Variants in SPATA13 observed in about 807,000 individuals in gnomAD.
SPATA13 encodes spermatogenesis associated 13, also known as spermatogenesis-associated protein 13.
SPATA13 carries 50 observed loss-of-function variants against 104.0 expected under a neutral mutation model. The ratio of observed to expected loss-of-function variants is 0.48; its 90% CI spans 0.38 to 0.61. SPATA13 has a LOEUF of 0.61. Ranked by LOEUF, SPATA13 falls within the 20% of genes least tolerant of loss-of-function variation. The pLI is 0.00. For synonymous variants in SPATA13, 606 were observed against 667.5 expected (o/e 0.91, Z 1.42); for missense variants, 1,524 against 1,690.6 (o/e 0.90, Z 1.73).
intron 3 of SPATA13, among the ~76,000 whole-genome samples, chr13:24,074,679 T>C (rs564583526): frequency 1.3e-5 from 2 of 152,246 alleles, no homozygotes; most frequent in African/African-American, 4.8e-5. Flanking sequence ...CTTGCTCAAA[T>C]AACTGAATCC....
chr13:24,126,204 G>A (rs1881210162), intron 3 of SPATA13, among the ~76,000 whole-genome samples: 1 of 152,218 alleles, frequency 6.6e-6, no homozygotes, highest in Non-Finnish European at 1.5e-5. Flanking sequence ...ATGAAGTCAT[G>A]GGGGCAGGAG....
chr13:24,237,925 AC>A (rs1165268746), intron 2 of SPATA13, among the ~76,000 whole-genome samples: 1 of 148,412 alleles, frequency 6.7e-6, no homozygotes, highest in African/African-American at 2.4e-5. Flanking sequence ...CAATATATAA[AC>A]ATACATGTTT....
intron 7 of SPATA13, among the ~76,000 whole-genome samples, chr13:24,288,328 A>G (rs557950562): frequency 3.9e-5 from 6 of 152,304 alleles, no homozygotes; most frequent in Non-Finnish European, 8.8e-5. Flanking sequence ...AATTCATACC[A>G]AGTAGTCATT....
At chr13:24,001,120 C>T (rs965268384) in intron 2 of SPATA13, among the ~76,000 whole-genome samples, 2 of 152,144 alleles carry the variant, frequency 1.3e-5, no homozygotes, top group African/African-American at 2.4e-5. Context: ...CGAGTGGCCT[C>T]TTCTACTCTC....
At chr13:24,039,743 G>A (rs1023713764) in intron 3 of SPATA13, among the ~76,000 whole-genome samples, 25 of 152,130 alleles carry the variant, frequency 1.6e-4, no homozygotes, top group African/African-American at 6.0e-4. Context: ...ATGTGACTGG[G>A]GTTGGGGGAA....
At chr13:24,065,107 T>TAAC (rs1236567072) in intron 3 of SPATA13, among the ~76,000 whole-genome samples, 2 of 152,198 alleles carry the variant, frequency 1.3e-5, no homozygotes, top group Non-Finnish European at 2.9e-5. Context: ...TAAATCTTTA[T>TAAC]AACTTACGGT....
chr13:24,290,985 T>G (rs982886821), intron 9 of SPATA13, 101 bp downstream of exon 9: 35 of 926,732 alleles, frequency 3.8e-5, no homozygotes, highest in Non-Finnish European at 5.7e-5. Flanking sequence ...AGTGTCAGCC[T>G]TAACACTTTG....
At chr13:24,300,522 T>G in intron 12 of SPATA13, 47 bp downstream of exon 12, 1 of 1,567,152 alleles carries the variant, frequency 6.4e-7, no homozygotes, top group Non-Finnish European at 8.8e-7. Flanking sequence ...ATCAGTATTC[T>G]CCTGAAAATG....
intron 3 of SPATA13, among the ~76,000 whole-genome samples, chr13:24,136,828 T>TTATGAGAGATAAGGTC (rs1566117257): frequency 9.3e-6 from 1 of 107,990 alleles, no homozygotes; most frequent in African/African-American, 3.2e-5. Context: ...TTCTTTATTT[T>TTATGAGAGATAAGGTC]ATTTATTTAT....
At chr13:24,288,553 G>A (rs898376544) in intron 7 of SPATA13, among the ~76,000 whole-genome samples, 5 of 72,684 alleles carry the variant, frequency 6.9e-5, no homozygotes, top group Admixed American at 6.4e-4. Context: ...CGGTGCTGGT[G>A]GAATCCTTGG....
intron 3 of SPATA13, among the ~76,000 whole-genome samples, chr13:24,026,969 CTG>C (rs1247621797): frequency 6.6e-6 from 1 of 151,866 alleles, no homozygotes; most frequent in Non-Finnish European, 1.5e-5. Context: ...TGAGGGTACT[CTG>C]TTTCTTTATA....
At chr13:24,158,145 A>G (rs1473770357), upstream of SPATA13, among the ~76,000 whole-genome samples, 3 of 152,212 alleles carry the variant, frequency 2.0e-5, no homozygotes, top group Non-Finnish European at 4.4e-5. Context: ...TGTTGTTAGG[A>G]CGAACTTGGG....
At chr13:24,084,526 G>A (rs1377701121) in intron 3 of SPATA13, among the ~76,000 whole-genome samples, 1 of 72,370 alleles carries the variant, frequency 1.4e-5, no homozygotes, top group Non-Finnish European at 2.9e-5. Flanking sequence ...AGGGAAACCT[G>A]GCTTTCTGGT....
At chr13:24,181,695 TATA>T (rs1353538033) in intron 1 of SPATA13, among the ~76,000 whole-genome samples, 1 of 151,714 alleles carries the variant, frequency 6.6e-6, no homozygotes, top group Non-Finnish European at 1.5e-5. Context: ...TGTCATCTGC[TATA>T]ATAATAACGC....
chr13:24,017,639 TA>T, intron 2 of SPATA13: 1 of 985,190 alleles, frequency 1.0e-6, no homozygotes, highest in Non-Finnish European at 1.2e-6. Flanking sequence ...ATCTGTGCAC[TA>T]AAACAACTCA....
chr13:24,257,689 A>G (rs1873857738), intron 4 of SPATA13, among the ~76,000 whole-genome samples: 1 of 151,722 alleles, frequency 6.6e-6, no homozygotes, highest in African/African-American at 2.4e-5. Flanking sequence ...CTAGCACTCT[A>G]GTGAGCTAGG....
chr13:24,037,212 G>GTGA (rs1877718299), intron 3 of SPATA13, among the ~76,000 whole-genome samples: 3 of 112,644 alleles, frequency 2.7e-5, no homozygotes, highest in Non-Finnish European at 5.1e-5. Flanking sequence ...ATAGGGTGGG[G>GTGA]GGAGGGGGGA....
intron 2 of SPATA13, among the ~76,000 whole-genome samples, chr13:24,017,379 G>A (rs1486690177): frequency 6.6e-6 from 1 of 152,038 alleles, no homozygotes; most frequent in Non-Finnish European, 1.5e-5. Flanking sequence ...GGAAACCCAG[G>A]GCTTAGAGCT....
intron 3 of SPATA13, among the ~76,000 whole-genome samples, chr13:24,025,913 T>G (rs1203147294): frequency 2.6e-5 from 4 of 151,918 alleles, no homozygotes; most frequent in Non-Finnish European, 5.9e-5. Context: ...CAAAGGATTC[T>G]CCTGCATCAG....
Sources: allele counts gnomAD v4.1 joint callset (sites outside exome capture counted in the v4.1 genomes callset), GRCh38; gene constraint gnomAD v4.1.1; transcripts MANE v1.5; gene names NCBI Gene and HGNC (gene_info 2026-07-23, HGNC 2026-07-21).